Variants in EDIL3 observed in about 807,000 individuals in gnomAD.
EDIL3 encodes the protein EGF like and discoidin domains 3.
EDIL3 carries 37 observed loss-of-function variants against 67.4 expected under a neutral mutation model. The ratio of observed to expected loss-of-function variants is 0.55; its 90% confidence interval spans 0.42 to 0.72. EDIL3 has a LOEUF of 0.72. Ranked by LOEUF, EDIL3 falls within the 30% of genes least tolerant of loss-of-function variation. EDIL3 has a pLI of 0.00. For missense variants in EDIL3, 527 were observed against 586.3 expected, an observed-to-expected ratio of 0.90 and a Z score of 1.04; for synonymous variants, 195 against 196.3, an observed-to-expected ratio of 0.99 and a Z score of 0.05.
At chr5:84,126,721 A>T (rs1271978564) in intron 5 of EDIL3, among the ~76,000 whole-genome samples, 2 of 152,060 alleles carry the variant, frequency 1.3e-5, no homozygotes, top group Admixed American at 6.6e-5. Context: ...TAAACAGATG[A>T]TTTTTATTTT....
intron 1 of EDIL3, among the ~76,000 whole-genome samples, chr5:84,315,133 A>T (rs954698618): frequency 4.6e-5 from 7 of 152,182 alleles, no homozygotes; most frequent in African/African-American, 1.4e-4. Flanking sequence ...AATACCCATG[A>T]TCCAATTGAA....
chr5:84,137,923 G>A (rs540149442), intron 4 of EDIL3, among the ~76,000 whole-genome samples: 2 of 152,250 alleles, frequency 1.3e-5, no homozygotes, highest in African/African-American at 4.8e-5. Context: ...CTCATTCAAG[G>A]ATTTCTAAAG....
chr5:84,312,190 GACCCCCCCACCTCCC>G (rs1746408444), intron 1 of EDIL3, among the ~76,000 whole-genome samples: 2 of 145,004 alleles, frequency 1.4e-5, no homozygotes, highest in East Asian at 4.4e-4. Flanking sequence ...GGCGGGGGCT[GACCCCCCCACCTCCC>G]TCCCCGACGG....
chr5:84,143,250 C>T (rs1184095832), intron 4 of EDIL3, among the ~76,000 whole-genome samples: 1 of 152,008 alleles, frequency 6.6e-6, no homozygotes, highest in Non-Finnish European at 1.5e-5. Flanking sequence ...ATATTTGAAT[C>T]TTCTGTTCTT....
chr5:84,162,910 A>G (rs1465348278), intron 4 of EDIL3, among the ~76,000 whole-genome samples: 4 of 152,086 alleles, frequency 2.6e-5, no homozygotes, highest in Non-Finnish European at 5.9e-5. Flanking sequence ...TGATTATATG[A>G]CATCATCATA....
chr5:84,319,494 C>CAAAAAAAAAAAAAAA (rs55738450), intron 1 of EDIL3, among the ~76,000 whole-genome samples: 37 of 42,820 alleles, frequency 8.6e-4, no homozygotes, highest in African/African-American at 1.1e-3. Context: ...CAAAAAACAA[C>CAAAAAAAAAAAAAAA]AAAAAAAAAA....
At chr5:84,113,278 C>A (rs1007692427) in intron 5 of EDIL3, among the ~76,000 whole-genome samples, 2 of 152,112 alleles carry the variant, frequency 1.3e-5, no homozygotes, top group African/African-American at 4.8e-5. Flanking sequence ...TTGTCAGGTA[C>A]GACAATAATC....
chr5:84,099,820 C>G (rs897546721), intron 6 of EDIL3, among the ~76,000 whole-genome samples: 1 of 151,918 alleles, frequency 6.6e-6, no homozygotes, highest in African/African-American at 2.4e-5. Context: ...AACATTTTTG[C>G]AATCTATCCA....
intron 3 of EDIL3, among the ~76,000 whole-genome samples, chr5:84,182,351 G>A (rs1406849484): frequency 1.3e-5 from 2 of 151,870 alleles, no homozygotes; most frequent in Non-Finnish European, 2.9e-5. Flanking sequence ...AGCTACTTAG[G>A]AGGCTGAGGT....
intron 2 of EDIL3, among the ~76,000 whole-genome samples, chr5:84,241,309 T>G (rs1469242851): frequency 6.6e-6 from 1 of 152,218 alleles, no homozygotes; most frequent in Non-Finnish European, 1.5e-5. Flanking sequence ...GATTCTATCT[T>G]TATGCAAAAC....
At chr5:84,164,107 AT>A (rs367592785) in intron 4 of EDIL3, among the ~76,000 whole-genome samples, 5 of 151,896 alleles carry the variant, frequency 3.3e-5, no homozygotes, top group African/African-American at 4.8e-5. Flanking sequence ...CTGAAAAAAT[AT>A]TTTTTTTAAT....
In EDIL3 at chr5:84,132,381, A is replaced by AATATATATTTTAATATATATT. The variant is rs1353599320; in HGVS notation, c.469+4859_469+4860insAATATATATTAAAATATATAT. 6.8e-3 allele frequency among the ~76,000 whole-genome samples: 102 copies of AATATATATTTTAATATATATT among 15,098 alleles called. 5 individuals carry two copies. Among genetic ancestry groups the AATATATATTTTAATATATATT allele is most frequent in the East Asian group, 0.015 (9 of 610 alleles). 9.9% of individuals were successfully genotyped at this position (15,098 alleles called of 152,430 possible). A position where few individuals can be genotyped will look rare whatever the true frequency, so the allele number is the denominator to read the frequency against. ...AATATATATTATATATATTATATAT[A>AATATATATTTTAATATATATT]ATATATTTTATATATAATATATATT... On this transcript the variant is annotated intron_variant, in intron 5 of 10. Coordinates refer to ENST00000296591, the MANE Select transcript of EDIL3 (RefSeq NM_005711.5).
rs1313921039 is a variant in EDIL3, at chr5:84,064,733, A to C, written c.919T>G (p.Leu307Val). The change falls in exon 8 of 11, where the codon TTG becomes GTG. Residue 307 changes from leucine (L) to valine (V), a missense_variant. By Grantham distance (32) the Leu-to-Val change is conservative. Coordinates refer to ENST00000296591, the MANE Select transcript of EDIL3 (RefSeq NM_005711.5). ...TCACAGCCAAGAAGTTCCATTCGCA[A>C]AGTGCAATGTCTTCGACAAACTTGG... ...YPQVCRRHCT[L>V]RMELLGCELS... 6.2e-7 allele frequency: 1 copy of C among 1,613,350 alleles called. No homozygotes were observed. The highest frequency in any genetic ancestry group is 1.1e-5 in the South Asian group (1 of 90,936).
chr5:84,061,912 T>C (rs1420561934), intron 8 of EDIL3, among the ~76,000 whole-genome samples: 1 of 152,134 alleles, frequency 6.6e-6, no homozygotes, highest in African/African-American at 2.4e-5. Context: ...AGAGGTGCTT[T>C]AGAACTCTTC....
At chr5:84,191,536 G>A (rs956519839) in intron 3 of EDIL3, among the ~76,000 whole-genome samples, 1 of 152,060 alleles carries the variant, frequency 6.6e-6, no homozygotes. Context: ...AGCAGGCGTG[G>A]ATTCTGGCCA....
At chr5:84,235,991 A>G (rs1260685223) in intron 2 of EDIL3, among the ~76,000 whole-genome samples, 1 of 152,082 alleles carries the variant, frequency 6.6e-6, no homozygotes, top group Non-Finnish European at 1.5e-5. Context: ...ATTCATTTAA[A>G]CAGAACCACA....
chr5:84,310,929 C>T (rs891464945), intron 1 of EDIL3, among the ~76,000 whole-genome samples: 3 of 152,094 alleles, frequency 2.0e-5, no homozygotes, highest in Admixed American at 6.5e-5. Context: ...AGCATCATCA[C>T]AGGTCACTTT....
At chr5:83,949,167 G>C (rs1439992381) in intron 10 of EDIL3, among the ~76,000 whole-genome samples, 2 of 151,618 alleles carry the variant, frequency 1.3e-5, no homozygotes, top group Non-Finnish European at 2.9e-5. Context: ...TTCACTACAG[G>C]GCAGCCCAAC....
At chr5:83,952,180 C>G (rs943201974) in intron 10 of EDIL3, among the ~76,000 whole-genome samples, 4 of 151,734 alleles carry the variant, frequency 2.6e-5, no homozygotes, top group African/African-American at 9.7e-5. Flanking sequence ...GGGAAAAAGA[C>G]GTAGTGAAAA....
Sources: gnomAD v4.1 joint callset for allele counts (sites outside exome capture counted in the v4.1 genomes callset) on GRCh38, gnomAD v4.1.1 for gene constraint, MANE v1.5 for transcripts, NCBI Gene and HGNC (gene_info 2026-07-23, HGNC 2026-07-21) for gene names.